CDH18: variants seen among roughly 807,000 people sequenced by gnomAD.
The protein encoded by CDH18 is cadherin 18.
A neutral mutation model predicts 67.9 loss-of-function variants in CDH18; 31 were observed. The ratio of observed to expected loss-of-function variants is 0.46; its 90% CI spans 0.34 to 0.62. The LOEUF is 0.62. CDH18 is among the 20% of genes least tolerant of loss of function. The pLI, the probability that CDH18 is intolerant of heterozygous loss-of-function variation, is 0.01. For synonymous variants in CDH18, 362 were observed against 347.2 expected (o/e 1.04, Z -0.48); for missense variants, 890 against 975.5 (o/e 0.91, Z 1.17).
chr5:19,527,850 T>A (rs1305589726), intron 9 of CDH18, among the ~76,000 whole-genome samples: 1 of 151,786 alleles, frequency 6.6e-6, no homozygotes, highest in Non-Finnish European at 1.5e-5. Flanking sequence ...AGTACATTAT[T>A]TTGTTCCAGT....
rs116043406 is a variant in CDH18 at position 20,273,234 on chromosome 5, G to A, written c.-579-17729C>T. 1.0e-3 allele frequency among the ~76,000 whole-genome samples: 155 copies of A among 152,100 alleles called. 1 individual carries two copies. Among genetic ancestry groups the A allele is most frequent in the African/African-American group, 3.6e-3 (149 of 41,518 alleles). On this transcript the variant is annotated intron_variant, in intron 1 of 14. Transcript: ENST00000507958. ...AACAGAAATATCGGGACCTAGCATA[G>A]ACAATATGGTGCCTATAAATATTAT...
chr5:20,066,944 T>G (rs10071480), intron 2 of CDH18, among the ~76,000 whole-genome samples: 149,467 of 151,854 alleles, frequency 0.98, 73,609 homozygotes, highest in Middle Eastern at 1. Context: ...TGTAAATACA[T>G]CCAGCCCTCC....
chr5:20,192,200 G>A (rs907837731), intron 2 of CDH18, among the ~76,000 whole-genome samples: 3 of 144,188 alleles, frequency 2.1e-5, no homozygotes, highest in Non-Finnish European at 4.6e-5. Flanking sequence ...ACTTTTCGAC[G>A]TTTTTTTTTT....
chr5:20,207,691 A>C (rs1481477803), intron 2 of CDH18, among the ~76,000 whole-genome samples: 1 of 152,130 alleles, frequency 6.6e-6, no homozygotes, highest in Non-Finnish European at 1.5e-5. Flanking sequence ...TCCCTCCCAC[A>C]ACATGTGAAA....
intron 2 of CDH18, among the ~76,000 whole-genome samples, chr5:19,941,271 A>G (rs1579708632): frequency 2.0e-5 from 3 of 151,756 alleles, no homozygotes. Flanking sequence ...ATGACCTTAA[A>G]CTCCTCAGCC....
intron 2 of CDH18, among the ~76,000 whole-genome samples, chr5:20,002,069 T>A (rs1387650997): frequency 6.6e-6 from 1 of 152,202 alleles, no homozygotes; most frequent in African/African-American, 2.4e-5. Context: ...AAACTAGTCA[T>A]TATTGACATT....
intron 1 of CDH18, among the ~76,000 whole-genome samples, chr5:20,553,344 A>C (rs1426621188): frequency 6.6e-6 from 1 of 152,140 alleles, no homozygotes; most frequent in African/African-American, 2.4e-5. Context: ...GGCCTGACTG[A>C]GGTTAGCATT....
intron 1 of CDH18, among the ~76,000 whole-genome samples, chr5:20,398,798 CA>C (rs1334393497): frequency 6.6e-6 from 1 of 151,842 alleles, no homozygotes. Context: ...ACCACCACGG[CA>C]CACGTATACC....
At chr5:20,177,322 T>TAA in intron 2 of CDH18, among the ~76,000 whole-genome samples, 1 of 152,220 alleles carries the variant, frequency 6.6e-6, no homozygotes, top group African/African-American at 2.4e-5. Flanking sequence ...CTAAGCCTTA[T>TAA]TATCATGGCA....
chr5:20,346,063 C>A (rs986314049), intron 1 of CDH18, among the ~76,000 whole-genome samples: 2 of 152,098 alleles, frequency 1.3e-5, no homozygotes, highest in Non-Finnish European at 2.9e-5. Context: ...ATGTTTCCAA[C>A]CCTTTTCTGA....
Position 19,632,723 on chromosome 5 carries a change from C to G in CDH18, c.644-20122G>C, listed in dbSNP as rs191944998. Among the ~76,000 whole-genome samples, 648 of 152,202 alleles carry G rather than the reference C, an allele frequency of 4.3e-3. 2 individuals carry two copies. Among genetic ancestry groups the G allele is most frequent in the Non-Finnish European group, 7.1e-3 (486 of 68,006 alleles). ...ATATTTCATTTAATTATCCTGTGATCCATATTATGAGTTACAAACACCTGG... is the reference window on the plus strand; with the variant it reads ...ATATTTCATTTAATTATCCTGTGATGCATATTATGAGTTACAAACACCTGG... On this transcript the variant is annotated intron_variant, in intron 5 of 12. Coordinates refer to ENST00000382275, the MANE Select transcript of CDH18 (RefSeq NM_004934.5).
At chr5:20,548,181 T>C (rs1428733) in intron 1 of CDH18, among the ~76,000 whole-genome samples, 70,136 of 149,720 alleles carry the variant, frequency 0.47, 16,567 homozygotes, top group East Asian at 0.57. Flanking sequence ...ATGTGAAAGA[T>C]AGTTATATTA....
chr5:19,941,585 C>T (rs1032860788), intron 2 of CDH18, among the ~76,000 whole-genome samples: 1 of 151,838 alleles, frequency 6.6e-6, no homozygotes, highest in African/African-American at 2.4e-5. Flanking sequence ...AGTTTGAGAA[C>T]AACCTAGGCA....
intron 10 of CDH18, among the ~76,000 whole-genome samples, chr5:19,520,350 G>A (rs981266100): frequency 4.6e-5 from 7 of 152,064 alleles, no homozygotes; most frequent in African/African-American, 1.7e-4. Flanking sequence ...AGAGAGAAAC[G>A]TTTGCTATTT....
rs1216847813 is a variant in CDH18, at chr5:19,960,623, ACACGTGTATATG to A, written c.-257+20425_-257+20436del. Among the ~76,000 whole-genome samples the A allele has an allele frequency of 6.6e-4, 88 of 134,008 alleles. 4 individuals carry two copies. Among genetic ancestry groups the A allele is most frequent in the African/African-American group, 2.4e-3 (73 of 29,840 alleles). The allele number at this position is 134,008 out of a possible 152,430, so 87.9% of individuals were successfully genotyped here. ...TATATACACACACGTGTATATATAT[ACACGTGTATATG>A]TATACATATACACGTGTATATATAT... On this transcript the variant is annotated intron_variant, in intron 2 of 12. Transcript: ENST00000382275.
At chr5:19,484,761 T>C (rs1169659431) in intron 11 of CDH18, among the ~76,000 whole-genome samples, 2 of 152,226 alleles carry the variant, frequency 1.3e-5, no homozygotes, top group East Asian at 1.9e-4. Flanking sequence ...GCTCCATCTG[T>C]CACTCTACGC....
chr5:19,742,715 C>A (rs1769375077), intron 4 of CDH18, among the ~76,000 whole-genome samples: 1 of 151,810 alleles, frequency 6.6e-6, no homozygotes, highest in East Asian at 1.9e-4. Context: ...TCACAGCTCT[C>A]AGCACATAAA....
chr5:19,835,581 A>G (rs1294422017), intron 3 of CDH18, among the ~76,000 whole-genome samples: 1 of 152,152 alleles, frequency 6.6e-6, no homozygotes, highest in African/African-American at 2.4e-5. Context: ...TTTCTAAGCA[A>G]GTTAAAATAA....
At chr5:20,491,282 T>C (rs988625757) in intron 1 of CDH18, among the ~76,000 whole-genome samples, 3 of 151,844 alleles carry the variant, frequency 2.0e-5, no homozygotes, top group Non-Finnish European at 1.5e-5. Context: ...TGTATTAAAT[T>C]CCTGAGTTAA....
Sources: allele counts gnomAD v4.1 joint callset (sites outside exome capture counted in the v4.1 genomes callset), GRCh38; gene constraint gnomAD v4.1.1; transcripts MANE v1.5; gene names NCBI Gene and HGNC (gene_info 2026-07-23, HGNC 2026-07-21).